The following CHRNB4 variants were observed in gnomAD, a reference collection of about 807,000 sequenced individuals.
CHRNB4 encodes cholinergic receptor nicotinic beta 4 subunit, also known as neuronal acetylcholine receptor subunit beta-4.
CHRNB4 carries 23 observed loss-of-function variants against 40.4 expected under a neutral mutation model. The ratio of observed to expected loss-of-function variants is 0.57; its 90% CI spans 0.41 to 0.81. CHRNB4 has a LOEUF of 0.81. Among genes scored for constraint, CHRNB4 ranks in the 30% least tolerant of loss-of-function variants. The pLI, the probability that CHRNB4 is intolerant of heterozygous loss-of-function variation, is 0.00. For missense variants in CHRNB4, 568 were observed against 670.6 expected, an observed-to-expected ratio of 0.85 and a Z score of 1.69; for synonymous variants, 285 against 274.4, an observed-to-expected ratio of 1.04 and a Z score of -0.38.
rs1440153287 is a variant in CHRNB4, at chr15:78,635,500, G to T, written c.143C>A (p.Thr48Asn). ...TRYNNLIRPA[T>N]SSSQLISIKL... ...GATGGAGATGAGCTGTGAGGAGCTG[G>T]TGGCTGGGCGGATCAGGTTATTGTA... Residue 48 changes from threonine to asparagine, a missense_variant, in exon 2 of 6, where the codon ACC (threonine) becomes AAC (asparagine). Around this residue, in one of 4 missense-constraint regions of CHRNB4, gnomAD observed 161 missense variants for 148.1 expected, o/e 1.09. Transcript: ENST00000261751. The T allele has an allele frequency of 6.2e-7, 1 of 1,614,178 alleles. No homozygotes were observed. Among genetic ancestry groups the T allele is most frequent in the Non-Finnish European group, 8.5e-7 (1 of 1,180,032 alleles).
At chr15:78,626,341 GGTGTGTGTGTGTGTGT>G (rs747140868) in intron 5 of CHRNB4, 1 of 74,406 alleles carries the variant, frequency 1.3e-5, no homozygotes, top group African/African-American at 5.2e-5. Flanking sequence ...TTCAAGCGGG[GGTGTGTGTGTGTGTGT>G]GTGTGTGTGT....
chr15:78,644,101 T>C (rs917344938), upstream of CHRNB4, among the ~76,000 whole-genome samples: 2 of 151,466 alleles, frequency 1.3e-5, no homozygotes, highest in East Asian at 1.9e-4. Context: ...AGGCAGAGCT[T>C]GCAGTGAGCG....
chr15:78,634,276 G>A (rs549977035), intron 2 of CHRNB4, among the ~76,000 whole-genome samples: 6 of 152,296 alleles, frequency 3.9e-5, no homozygotes, highest in Non-Finnish European at 5.9e-5. Flanking sequence ...CTGGAAGTGC[G>A]GCAGAGCCTC....
At chr15:78,636,694 C>T (rs1224202008) in intron 1 of CHRNB4, among the ~76,000 whole-genome samples, 1 of 151,870 alleles carries the variant, frequency 6.6e-6, no homozygotes, top group Non-Finnish European at 1.5e-5. Context: ...AAGGATCCTC[C>T]CACCTCAGCC....
intron 5 of CHRNB4, 141 bp from the exon 6 acceptor site, chr15:78,625,432 C>A: frequency 1.4e-6 from 1 of 726,164 alleles, no homozygotes. Context: ...GTTCTGAGTC[C>A]CAGGCTGGCC....
intron 2 of CHRNB4, among the ~76,000 whole-genome samples, chr15:78,631,910 C>T (rs2053821177): frequency 6.6e-6 from 1 of 152,144 alleles, no homozygotes; most frequent in Non-Finnish European, 1.5e-5. Context: ...TCCCCACCAC[C>T]CCTCATCCCA....
upstream of CHRNB4, among the ~76,000 whole-genome samples, chr15:78,644,395 T>C (rs184572157): frequency 2.0e-5 from 3 of 147,170 alleles, no homozygotes; most frequent in East Asian, 5.8e-4. Context: ...AAAGGGCTTG[T>C]GTGGGGGGTT....
chr15:78,640,943 G>T, intron 1 of CHRNB4, 136 bp downstream of exon 1: 1 of 1,004,800 alleles, frequency 1.0e-6, no homozygotes, highest in Non-Finnish European at 1.4e-6. Context: ...CCCTGCCCAC[G>T]CCCCCATCTG....
At chr15:78,661,547 G>A, upstream of CHRNB4, 3 of 538,182 alleles carry the variant, frequency 5.6e-6, no homozygotes, top group Non-Finnish European at 7.4e-6. Context: ...AGATATCCCG[G>A]CTCTTGGGCT....
chr15:78,641,116 G>C lies in CHRNB4; in HGVS notation c.18C>G (p.Ser6=). The C allele has an allele frequency of 1.3e-6, 2 of 1,578,178 alleles. No individual in the cohort carries two copies. The highest frequency in any genetic ancestry group is 4.6e-5 in the East Asian group (2 of 43,240). The part of the protein sequence containing the change: MRRAP[S]LVLFFLVALC... The stretch of plus-strand genomic sequence containing the variant: ...GGGCGACCAGGAAGAAAAGGACCAG[G>C]GAAGGCGCGCGCCTCATGGCCGGCG... The change falls in exon 1 of 6, where the codon TCC becomes TCG. Residue 6 remains serine (S), a synonymous_variant. Coordinates refer to ENST00000261751, the MANE Select transcript of CHRNB4 (RefSeq NM_000750.5).
At chr15:78,644,538 T>G (rs1240254769), upstream of CHRNB4, among the ~76,000 whole-genome samples, 3 of 152,168 alleles carry the variant, frequency 2.0e-5, no homozygotes, top group Non-Finnish European at 4.4e-5. Context: ...GATCTTGGAC[T>G]TCCCAACCTC....
intron 7 of CHRNB4, among the ~76,000 whole-genome samples, chr15:78,647,424 GA>G (rs890631273): frequency 6.6e-6 from 1 of 151,652 alleles, no homozygotes; most frequent in African/African-American, 2.4e-5. Context: ...TCATAGAAAA[GA>G]AAACTTGAAT....
intron 1 of CHRNB4, among the ~76,000 whole-genome samples, chr15:78,636,123 T>C (rs1054623703): frequency 4.6e-5 from 7 of 152,262 alleles, no homozygotes; most frequent in African/African-American, 1.7e-4. Flanking sequence ...GCCAGGCTGT[T>C]CTTGAACTCC....
At chr15:78,650,081 C>A (rs2054159876) in intron 6 of CHRNB4, among the ~76,000 whole-genome samples, 1 of 152,190 alleles carries the variant, frequency 6.6e-6, no homozygotes, top group Admixed American at 6.5e-5. Context: ...AGGCGCCCTC[C>A]CTGCTGTGCA....
chr15:78,629,359 C>T lies in CHRNB4; in HGVS notation c.946G>A (p.Val316Met). ...GGCGAGCGGTGGTGCACATTGAGCA[C>T]ACAGACGCTGGTGACGATGGAGAAG... ...VTFSIVTSVC[V>M]LNVHHRSPST... The change falls in exon 5 of 6, where the codon GTG becomes ATG. Residue 316 changes from valine to methionine, a missense_variant. This residue lies in a region of CHRNB4 where 242 missense variants were observed against 274.9 expected (regional missense o/e 0.88). Coordinates refer to ENST00000261751, the MANE Select transcript of CHRNB4 (RefSeq NM_000750.5). The surrounding 1 kb of genome is among the most constrained non-coding windows in gnomAD (Gnocchi z 6.8). The T allele has an allele frequency of 6.2e-7, 1 of 1,614,084 alleles. No individual in the cohort carries two copies. Among genetic ancestry groups the T allele is most frequent in the Non-Finnish European group, 8.5e-7 (1 of 1,180,032 alleles).
At chr15:78,660,642 G>A (rs2054244501), upstream of CHRNB4, 1 of 167,324 alleles carries the variant, frequency 6.0e-6, no homozygotes, top group Admixed American at 5.8e-5. Flanking sequence ...ACCCAAGTGT[G>A]TGTCACACTG....
At chr15:78,642,451 A>C (rs187891813), upstream of CHRNB4, among the ~76,000 whole-genome samples, 917 of 152,370 alleles carry the variant, frequency 6.0e-3, 7 homozygotes, top group Non-Finnish European at 0.01. Flanking sequence ...TGGAAACCAA[A>C]GACAGTGGCA....
chr15:78,638,621 G>A (rs1411049044), intron 1 of CHRNB4, among the ~76,000 whole-genome samples: 11 of 75,074 alleles, frequency 1.5e-4, no homozygotes, highest in Non-Finnish European at 2.7e-4. Context: ...GTGTATGGCC[G>A]GGGGGCCGGG....
chr15:78,654,379 G>C (rs538263152), intron 5 of CHRNB4, among the ~76,000 whole-genome samples: 3 of 152,334 alleles, frequency 2.0e-5, no homozygotes, highest in South Asian at 2.1e-4. Context: ...TGACCGCAAA[G>C]AACATGCATT....
Sources: gnomAD v4.1 joint callset for allele counts (sites outside exome capture counted in the v4.1 genomes callset) on GRCh38, gnomAD v4.1.1 for gene constraint, gnomAD v4.1.1 regional missense constraint, Gnocchi (gnomAD v3.1) non-coding constraint, MANE v1.5 for transcripts, NCBI Gene and HGNC (gene_info 2026-07-23, HGNC 2026-07-21) for gene names.